ILF2: variants seen among roughly 807,000 people sequenced by gnomAD.
ILF2 encodes the protein interleukin enhancer binding factor 2.
ILF2 carries 9 observed loss-of-function variants against 55.3 expected under a neutral mutation model. That is an observed-to-expected ratio of 0.16 (90% CI 0.10 to 0.28). The LOEUF is 0.28. ILF2 is among the 10% of genes least tolerant of loss of function. ILF2 has a pLI of 1.00. For synonymous variants in ILF2, 151 were observed against 161.8 expected, an observed-to-expected ratio of 0.93 and a Z score of 0.50; for missense variants, 266 against 474.9, an observed-to-expected ratio of 0.56 and a Z score of 4.09.
intron 8 of ILF2, among the ~76,000 whole-genome samples, chr1:153,664,933 C>T (rs1669271887): frequency 6.6e-6 from 1 of 152,188 alleles, no homozygotes; most frequent in Non-Finnish European, 1.5e-5. Flanking sequence ...TAGAAACATG[C>T]AAGATCTGTT....
chr1:153,664,360 GTTTATC>G, intron 9 of ILF2, 30 bp downstream of exon 9: 1 of 1,552,404 alleles, frequency 6.4e-7, no homozygotes, highest in South Asian at 1.1e-5. Flanking sequence ...CAGTTAAAAA[GTTTATC>G]TTAATCCAAA....
intron 6 of ILF2, among the ~76,000 whole-genome samples, chr1:153,667,107 G>A (rs571950061): frequency 1.1e-4 from 17 of 152,280 alleles, no homozygotes; most frequent in African/African-American, 4.1e-4. Context: ...GGGCAACAGA[G>A]TGAGATCCGT....
chr1:153,667,392 C>A lies in ILF2; in HGVS notation c.394+163G>T, dbSNP rs1407808579. ...ACTCGGGAGGCTAAGGCGGGAAGAT[C>A]ACTTGCTGTAGTGGAGGTCAAGGCT... On this transcript the variant is annotated intron_variant, in intron 6 of 13. Coordinates refer to ENST00000361891, the MANE Select transcript of ILF2 (RefSeq NM_004515.4). 6.1e-6 allele frequency: 4 copies of A among 653,026 alleles called. No homozygotes were observed. In the East Asian group the frequency reaches 7.6e-5, roughly 12 times the overall value. The allele number at this position is 653,026 out of a possible 1,614,324, so 40.5% of individuals were successfully genotyped here.
intron 6 of ILF2, among the ~76,000 whole-genome samples, chr1:153,666,359 T>G (rs1302756672): frequency 6.6e-6 from 1 of 151,890 alleles, no homozygotes; most frequent in East Asian, 1.9e-4. Flanking sequence ...AATTTTTATA[T>G]TTTTGGTAGA....
rs1339274527 is a variant in ILF2 at position 153,661,817 on chromosome 1, A to C, written c.*579T>G. Reference sequence around the variant, plus strand: ...GTTGATAGAATCATTTTATTCAATAAATACTTAAAATGATATTCTAGTTTA... The same window carrying C: ...GTTGATAGAATCATTTTATTCAATACATACTTAAAATGATATTCTAGTTTA... On this transcript the variant is annotated 3_prime_UTR_variant, in exon 14 of 14. Transcript: ENST00000361891. The C allele has an allele frequency of 6.4e-6, 1 of 155,172 alleles. No individual in the cohort carries two copies. Among genetic ancestry groups the C allele is most frequent in the African/African-American group, 2.4e-5 (1 of 41,444 alleles). 9.6% of individuals were successfully genotyped at this position (155,172 alleles called of 1,614,324 possible).
At chr1:153,668,219 A>T (rs1457950160) in intron 4 of ILF2, 142 bp from the exon 5 acceptor site, 1 of 780,112 alleles carries the variant, frequency 1.3e-6, no homozygotes, top group Non-Finnish European at 2.1e-6. Context: ...TCTGGCCTTG[A>T]ATATATGGGA....
chr1:153,667,431 A>G (rs1378390984), intron 6 of ILF2, 124 bp downstream of exon 6: 46 of 737,134 alleles, frequency 6.2e-5, no homozygotes, highest in Non-Finnish European at 1.1e-4. Flanking sequence ...GTGAGCTACA[A>G]TGGTACCACT....
At chr1:153,665,954 G>C (rs975908061) in intron 6 of ILF2, among the ~76,000 whole-genome samples, 5 of 152,134 alleles carry the variant, frequency 3.3e-5, no homozygotes, top group East Asian at 1.9e-4. Context: ...TCTACAGCAG[G>C]GTTTTTCAGG....
At chr1:153,667,925 TA>T in intron 5 of ILF2, 74 bp downstream of exon 5, 1 of 1,070,916 alleles carries the variant, frequency 9.3e-7, no homozygotes, top group South Asian at 1.4e-5. Context: ...AACTGAAAAT[TA>T]AAAGTCAAGA....
Position 153,670,961 on chromosome 1 carries a change from G to C in ILF2, c.-39C>G. 2 of 1,613,832 alleles carry C rather than the reference G, an allele frequency of 1.2e-6. No individual in the cohort carries two copies. The highest frequency in any genetic ancestry group is 1.7e-6 in the Non-Finnish European group (2 of 1,179,770). The stretch of plus-strand genomic sequence containing the variant: ...ACGAACAATGGAGGCCGCACCAACC[G>C]CCCCTTCCTCTGAGTAGCAGACAAC... On this transcript the variant is annotated 5_prime_UTR_variant, in exon 1 of 14. Transcript: ENST00000361891.
chr1:153,666,140 C>G (rs768817793), intron 6 of ILF2, among the ~76,000 whole-genome samples: 2 of 152,110 alleles, frequency 1.3e-5, no homozygotes, highest in Non-Finnish European at 2.9e-5. Context: ...CCTCAGCCTC[C>G]CGGGCTCAAG....
rs1391012801 is a variant in ILF2, at chr1:153,665,112, C to T, written c.577+108G>A. On this transcript the variant is annotated intron_variant, in intron 8 of 13. Transcript: ENST00000361891. ...AGAATAAACCTAAGTTCTTCAATTC[C>T]CAGGAAGCTGCATGTGGAATAGCAA... The T allele has an allele frequency of 4.2e-6, 3 of 714,570 alleles. No individual in the cohort carries two copies. The African/African-American group carries it at 5.3e-5, about 13-fold the overall frequency. The allele number at this position is 714,570 out of a possible 1,614,324, so 44.3% of individuals were successfully genotyped here. A position where few individuals can be genotyped will look rare whatever the true frequency, so the allele number is the denominator to read the frequency against.
intron 1 of ILF2, 108 bp downstream of exon 1, chr1:153,670,810 C>T: frequency 1.5e-6 from 2 of 1,351,634 alleles, no homozygotes; most frequent in Middle Eastern, 1.8e-4. Flanking sequence ...GGTTTTTGGC[C>T]AGCCCCCGGA....
At position 153,663,296 on chromosome 1, in the gene ILF2, G is replaced by A. The variant is rs778152813; in HGVS notation, c.745-20C>T. 5 of 1,611,954 alleles carry A rather than the reference G, an allele frequency of 3.1e-6. No individual in the cohort carries two copies. In the East Asian group the frequency reaches 8.9e-5, roughly 29 times the overall value. The stretch of plus-strand genomic sequence containing the variant: ...ATGGCCCTGAAAAATAATAAATCCA[G>A]TAGGTGTGCCATCAAAATGGCACTT... On this transcript the variant is annotated intron_variant, in intron 10 of 13. Transcript: ENST00000361891.
chr1:153,665,091 T>G lies in ILF2; in HGVS notation c.577+129A>C, dbSNP rs1226203344. On this transcript the variant is annotated intron_variant, in intron 8 of 13. Transcript: ENST00000361891. ...CAGAGGGAGAGAGCAAAGTTCAGAA[T>G]AAACCTAAGTTCTTCAATTCCCAGG... 60 of 647,048 alleles carry G rather than the reference T, an allele frequency of 9.3e-5. No individual in the cohort carries two copies. In the Admixed American group the frequency reaches 1.6e-3, roughly 18 times the overall value. The allele number at this position is 647,048 out of a possible 1,614,324, so 40.1% of individuals were successfully genotyped here. A position where few individuals can be genotyped will look rare whatever the true frequency, so the allele number is the denominator to read the frequency against.
intron 6 of ILF2, 29 bp from the exon 7 acceptor site, chr1:153,665,757 T>C (rs751068117): frequency 7.7e-6 from 12 of 1,555,196 alleles, no homozygotes; most frequent in Admixed American, 1.8e-5. Context: ...CATAATGTTA[T>C]AATAATTTAT....
chr1:153,670,027 C>A (rs2101717873), intron 2 of ILF2, 144 bp downstream of exon 2: 2 of 1,080,402 alleles, frequency 1.9e-6, no homozygotes, highest in East Asian at 2.4e-5. Flanking sequence ...CATAGTGGGG[C>A]CAAATTCATT....
Position 153,663,382 on chromosome 1 carries a change from G to A in ILF2, c.745-106C>T, listed in dbSNP as rs1489970140. On this transcript the variant is annotated intron_variant, in intron 10 of 13. Transcript: ENST00000361891. ...CTCACTTTGTCATCCAGGCTGGAGT[G>A]CAGTGGCGCAATCATAGTTCACTGT... The A allele has an allele frequency of 1.1e-5, 11 of 1,029,206 alleles. No individual in the cohort carries two copies. The Admixed American group carries it at 2.0e-4, about 19-fold the overall frequency. 63.8% of individuals were successfully genotyped at this position (1,029,206 alleles called of 1,614,324 possible).
rs370284612 is a variant in ILF2, at chr1:153,663,270, A to G, written c.751T>C (p.Tyr251His). 6 of 1,614,030 alleles carry G rather than the reference A, an allele frequency of 3.7e-6. No individual in the cohort carries two copies. Among genetic ancestry groups the G allele is most frequent in the Non-Finnish European group, 4.2e-6 (5 of 1,179,994 alleles). The change falls in exon 11 of 14, where the codon TAT becomes CAT. Residue 251 changes from tyrosine (Y) to histidine (H), a missense_variant. Physicochemically the swap from Tyr to His is moderately conservative, Grantham distance 83. Transcript: ENST00000361891. ...TPWILDLLGH[Y>H]AVMNNPTRQP... Reference sequence around the variant, plus strand: ...CTGGTGGGGTTGTTCATCACAGCATAATGGCCCTGAAAAATAATAAATCCA... The same window carrying G: ...CTGGTGGGGTTGTTCATCACAGCATGATGGCCCTGAAAAATAATAAATCCA...
Sources: gnomAD v4.1 joint callset for allele counts (sites outside exome capture counted in the v4.1 genomes callset) on GRCh38, gnomAD v4.1.1 for gene constraint, MANE v1.5 for transcripts, NCBI Gene and HGNC (gene_info 2026-07-23, HGNC 2026-07-21) for gene names.